SHISA6: variants seen among roughly 807,000 people sequenced by gnomAD.
SHISA6 encodes the protein shisa family member 6.
A neutral mutation model predicts 47.9 loss-of-function variants in SHISA6; 22 were observed. That is an observed-to-expected ratio of 0.46 (90% CI 0.33 to 0.66). The LOEUF (loss-of-function observed/expected upper bound fraction) is 0.66, where lower values mean the gene tolerates loss of function less well. Among genes scored for constraint, SHISA6 ranks in the 30% least tolerant of loss-of-function variants. The probability of loss-of-function intolerance (pLI) is 0.02; values close to 1 mark genes in which losing one functional copy is unlikely to be tolerated. For synonymous variants in SHISA6, 388 were observed against 337.8 expected, an observed-to-expected ratio of 1.15 and a Z score of -1.63; for missense variants, 680 against 764.6, an observed-to-expected ratio of 0.89 and a Z score of 1.30.
At chr17:11,337,256 C>T (rs1016616954) in intron 2 of SHISA6, among the ~76,000 whole-genome samples, 1 of 152,062 alleles carries the variant, frequency 6.6e-6, no homozygotes, top group African/African-American at 2.4e-5. Flanking sequence ...GCCAGTCGTG[C>T]GATACATGAA....
At chr17:11,507,522 A>T (rs1210685498) in intron 3 of SHISA6, among the ~76,000 whole-genome samples, 1 of 152,214 alleles carries the variant, frequency 6.6e-6, no homozygotes. Flanking sequence ...CCCGCTGAGG[A>T]AAGTAACCCA....
intron 3 of SHISA6, among the ~76,000 whole-genome samples, chr17:11,534,571 A>G (rs891082820): frequency 6.6e-6 from 1 of 152,180 alleles, no homozygotes; most frequent in Non-Finnish European, 1.5e-5. Flanking sequence ...CACAATGTAG[A>G]AAGTGGTAAG....
chr17:11,391,502 C>T (rs1020353935), intron 3 of SHISA6, among the ~76,000 whole-genome samples: 1 of 152,146 alleles, frequency 6.6e-6, no homozygotes, highest in Non-Finnish European at 1.5e-5. Flanking sequence ...AAAAGCAGAC[C>T]TCTGTGTGTG....
chr17:11,385,321 G>A (rs758879187), intron 3 of SHISA6, among the ~76,000 whole-genome samples: 6 of 152,080 alleles, frequency 3.9e-5, no homozygotes, highest in Non-Finnish European at 8.8e-5. Context: ...GCAGCAATGA[G>A]GCTGGAACAG....
chr17:11,360,923 C>G (rs1405370495), intron 2 of SHISA6, among the ~76,000 whole-genome samples: 3 of 151,476 alleles, frequency 2.0e-5, no homozygotes, highest in Non-Finnish European at 4.4e-5. Flanking sequence ...TGAGGTCACT[C>G]TTGTTTTTCT....
At chr17:11,417,125 A>G (rs1199823151) in intron 3 of SHISA6, among the ~76,000 whole-genome samples, 1 of 152,228 alleles carries the variant, frequency 6.6e-6, no homozygotes, top group Non-Finnish European at 1.5e-5. Flanking sequence ...TCCATGAGAC[A>G]GAAAATGCTA....
chr17:11,498,526 C>T (rs572311198), intron 3 of SHISA6, among the ~76,000 whole-genome samples: 1 of 152,238 alleles, frequency 6.6e-6, no homozygotes, highest in African/African-American at 2.4e-5. Flanking sequence ...TTGGAATGTT[C>T]CCAACATAAA....
intron 2 of SHISA6, among the ~76,000 whole-genome samples, chr17:11,303,998 T>C (rs1415832645): frequency 1.3e-5 from 2 of 152,172 alleles, no homozygotes; most frequent in Middle Eastern, 3.2e-3. Flanking sequence ...CAGGAGCAGA[T>C]GTGAGGATCC....
At chr17:11,538,133 G>A (rs2071803172) in intron 3 of SHISA6, among the ~76,000 whole-genome samples, 1 of 152,070 alleles carries the variant, frequency 6.6e-6, no homozygotes, top group African/African-American at 2.4e-5. Context: ...GCATGATCTC[G>A]GCTCACTGCA....
chr17:11,431,571 G>A (rs1914775705), intron 3 of SHISA6, among the ~76,000 whole-genome samples: 1 of 152,178 alleles, frequency 6.6e-6, no homozygotes, highest in Non-Finnish European at 1.5e-5. Context: ...AATCTCTTAA[G>A]TCCAAGATAT....
At chr17:11,528,295 A>C (rs2071703405) in intron 3 of SHISA6, among the ~76,000 whole-genome samples, 1 of 152,234 alleles carries the variant, frequency 6.6e-6, no homozygotes, top group African/African-American at 2.4e-5. Context: ...TAAATGAGGG[A>C]TATATACTGT....
At chr17:11,364,183 A>C (rs1912373543) in intron 2 of SHISA6, among the ~76,000 whole-genome samples, 1 of 152,180 alleles carries the variant, frequency 6.6e-6, no homozygotes, top group Non-Finnish European at 1.5e-5. Context: ...TTTCCTATCT[A>C]TTCAACTATC....
chr17:11,351,173 A>G (rs575531050), intron 2 of SHISA6, among the ~76,000 whole-genome samples: 4 of 152,268 alleles, frequency 2.6e-5, no homozygotes, highest in African/African-American at 9.6e-5. Context: ...GAGAGCATTA[A>G]GAGAAATGTG....
chr17:11,420,035 C>T (rs1914407677), intron 3 of SHISA6, among the ~76,000 whole-genome samples: 1 of 152,112 alleles, frequency 6.6e-6, no homozygotes, highest in African/African-American at 2.4e-5. Flanking sequence ...GAAACTCTGT[C>T]TCTACTAAAA....
chr17:11,520,375 C>A (rs988502204), intron 3 of SHISA6, among the ~76,000 whole-genome samples: 1 of 152,182 alleles, frequency 6.6e-6, no homozygotes, highest in Non-Finnish European at 1.5e-5. Context: ...TCCTGACAGT[C>A]CTACCTTGAA....
At chr17:11,523,314 T>C (rs1012567513) in intron 3 of SHISA6, among the ~76,000 whole-genome samples, 1 of 152,194 alleles carries the variant, frequency 6.6e-6, no homozygotes, top group Non-Finnish European at 1.5e-5. Flanking sequence ...AGCAATTTAT[T>C]CCTCTCCTTG....
chr17:11,410,196 A>C (rs1914076919), intron 3 of SHISA6, among the ~76,000 whole-genome samples: 1 of 152,178 alleles, frequency 6.6e-6, no homozygotes, highest in Non-Finnish European at 1.5e-5. Flanking sequence ...CTAAAGCTAG[A>C]AGTAATAATC....
chr17:11,529,570 C>A lies in SHISA6; in HGVS notation c.896-22326C>A, dbSNP rs113558679. On this transcript the variant is annotated intron_variant, in intron 3 of 5. Transcript: ENST00000441885. ...TGTCCCAATTGGGGATGGGAATAAT[C>A]TCTTTGAGCATATCCCTACACTAGG... Among the ~76,000 whole-genome samples, 1,204 of 152,244 alleles carry A rather than the reference C, an allele frequency of 7.9e-3. 18 individuals are homozygous for A. Among genetic ancestry groups the A allele is most frequent in the African/African-American group, 0.028 (1,159 of 41,534 alleles).
intron 2 of SHISA6, among the ~76,000 whole-genome samples, chr17:11,359,878 T>G (rs1271420581): frequency 6.6e-6 from 1 of 152,164 alleles, no homozygotes; most frequent in African/African-American, 2.4e-5. Flanking sequence ...GGAGTGTAAA[T>G]TAGTTCAACC....
Sources: allele counts gnomAD v4.1 joint callset (sites outside exome capture counted in the v4.1 genomes callset), GRCh38; gene constraint gnomAD v4.1.1; transcripts MANE v1.5; gene names NCBI Gene and HGNC (gene_info 2026-07-23, HGNC 2026-07-21).